KLRG1: variants seen among roughly 807,000 people sequenced by gnomAD.
The protein encoded by KLRG1 is killer cell lectin like receptor G1, also known as killer cell lectin-like receptor subfamily G member 1.
A neutral mutation model predicts 21.8 loss-of-function variants in KLRG1; 16 were observed. The observed-to-expected ratio is 0.73, with a 90% CI of 0.50 to 1.11. The LOEUF (loss-of-function observed/expected upper bound fraction) is 1.11. Ranked by LOEUF, KLRG1 falls within the 50% of genes most tolerant of loss-of-function variation. KLRG1 has a pLI of 0.00. For missense variants in KLRG1, 173 were observed against 218.3 expected, an observed-to-expected ratio of 0.79 and a Z score of 1.31; for synonymous variants, 69 against 75.9, an observed-to-expected ratio of 0.91 and a Z score of 0.47.
At chr12:9,056,495 T>C in the KLRG1 span, among the ~76,000 whole-genome samples, 1 of 152,150 alleles carries the variant, frequency 6.6e-6, no homozygotes, top group African/African-American at 2.4e-5. Flanking sequence ...CTGAAAGACT[T>C]AGCATAATTC....
the KLRG1 span, among the ~76,000 whole-genome samples, chr12:9,019,418 G>A: frequency 6.6e-6 from 1 of 152,296 alleles, no homozygotes; most frequent in South Asian, 2.1e-4. Flanking sequence ...CCACTGCTAA[G>A]TATATACACA....
chr12:9,013,298 C>A (rs1947657090), downstream of KLRG1, among the ~76,000 whole-genome samples: 1 of 152,192 alleles, frequency 6.6e-6, no homozygotes, highest in Non-Finnish European at 1.5e-5. Flanking sequence ...AAACCTAACT[C>A]TTTAATGACC....
the KLRG1 span, among the ~76,000 whole-genome samples, chr12:9,151,848 C>T: frequency 6.6e-6 from 1 of 152,224 alleles, no homozygotes; most frequent in Non-Finnish European, 1.5e-5. Context: ...ATTAGAGCCT[C>T]TGGCATCTTT....
At chr12:9,065,448 C>T in the KLRG1 span, among the ~76,000 whole-genome samples, 4 of 152,110 alleles carry the variant, frequency 2.6e-5, no homozygotes, top group Non-Finnish European at 5.9e-5. Context: ...AAGGTCGGGC[C>T]GAGCCTGGGT....
the KLRG1 span, among the ~76,000 whole-genome samples, chr12:9,141,255 C>G: frequency 6.6e-6 from 1 of 151,980 alleles, no homozygotes; most frequent in Non-Finnish European, 1.5e-5. Flanking sequence ...CAAATATAGC[C>G]CAAAGAAAGC....
chr12:9,107,568 G>A, the KLRG1 span: 10 of 1,613,956 alleles, frequency 6.2e-6, no homozygotes, highest in Non-Finnish European at 8.5e-6. Flanking sequence ...TCTTCACCGT[G>A]GCAGTCGGAA....
Position 9,009,628 on chromosome 12 carries a change from A to G in KLRG1, c.*91A>G, listed in dbSNP as rs748166245. On this transcript the variant is annotated 3_prime_UTR_variant, in exon 5 of 5. Transcript: ENST00000356986. ...TGGCTGTTGGGAAAGCCATGAGTAT[A>G]TAGTTAGCAAATACTGAACTTTCTC... is the stretch of plus-strand genomic sequence containing the variant. 6.4e-5 allele frequency: 98 copies of G among 1,521,900 alleles called. No homozygotes were observed. The highest frequency in any genetic ancestry group is 8.1e-5 in the Non-Finnish European group (92 of 1,139,248). 94.3% of individuals were successfully genotyped at this position (1,521,900 alleles called of 1,614,324 possible).
chr12:9,109,870 A>G, the KLRG1 span: 1 of 1,596,412 alleles, frequency 6.3e-7, no homozygotes, highest in Non-Finnish European at 8.5e-7. Flanking sequence ...TCCATACCAA[A>G]TTCCTCCACG....
At chr12:9,122,610 T>C in the KLRG1 span, among the ~76,000 whole-genome samples, 1 of 152,214 alleles carries the variant, frequency 6.6e-6, no homozygotes, top group African/African-American at 2.4e-5. Context: ...GATTTAGATG[T>C]TCCAATTTTT....
the KLRG1 span, among the ~76,000 whole-genome samples, chr12:9,173,132 G>A: frequency 1.3e-5 from 2 of 152,132 alleles, no homozygotes; most frequent in African/African-American, 4.8e-5. Flanking sequence ...TCTTTCAGAC[G>A]ACAGTGCAAT....
intron 1 of KLRG1, among the ~76,000 whole-genome samples, chr12:8,966,137 A>G (rs79419979): frequency 0.8 from 122,225 of 152,066 alleles, 49,542 homozygotes; most frequent in Non-Finnish European, 0.84. Context: ...CTAGCCATAC[A>G]TAGAAAGCTG....
chr12:9,149,121 T>C, the KLRG1 span: 1 of 797,702 alleles, frequency 1.3e-6, no homozygotes, highest in East Asian at 2.4e-5. Context: ...GTAATTATTT[T>C]AGGTTTATAT....
chr12:9,078,414 C>A, the KLRG1 span, among the ~76,000 whole-genome samples: 18 of 152,194 alleles, frequency 1.2e-4, no homozygotes, highest in Non-Finnish European at 2.4e-4. Context: ...TGTATATGTA[C>A]CACATTTTCT....
At chr12:9,161,429 AATG>A in the KLRG1 span, among the ~76,000 whole-genome samples, 1 of 152,182 alleles carries the variant, frequency 6.6e-6, no homozygotes. Flanking sequence ...AATTTGACTT[AATG>A]ATGAGACTAC....
At chr12:9,160,972 TAGATAAG>T in the KLRG1 span, 5 of 1,289,566 alleles carry the variant, frequency 3.9e-6, no homozygotes, top group African/African-American at 7.4e-5. Context: ...TACAAATACG[TAGATAAG>T]ATGTACAGTG....
the KLRG1 span, chr12:9,203,761 C>G: frequency 6.2e-7 from 1 of 1,613,936 alleles, no homozygotes; most frequent in African/African-American, 1.3e-5. Context: ...GGCACCGTAG[C>G]ACTCACAGTG....
the KLRG1 span, among the ~76,000 whole-genome samples, chr12:9,037,867 C>T: frequency 6.6e-6 from 1 of 152,186 alleles, no homozygotes. Context: ...GTAGGCTCTT[C>T]CATCTAGGTT....
At chr12:9,155,345 C>G in the KLRG1 span, among the ~76,000 whole-genome samples, 5 of 151,992 alleles carry the variant, frequency 3.3e-5, no homozygotes, top group East Asian at 5.8e-4. Flanking sequence ...GTTTTGTAAC[C>G]TCTTCCAGAG....
chr12:9,091,606 T>C, the KLRG1 span, among the ~76,000 whole-genome samples: 180 of 152,350 alleles, frequency 1.2e-3, 1 homozygote, highest in African/African-American at 4.3e-3. Flanking sequence ...CTTCCAACTG[T>C]TTTTAATTGT....
Sources: gnomAD v4.1 joint callset for allele counts (sites outside exome capture counted in the v4.1 genomes callset) on GRCh38, gnomAD v4.1.1 for gene constraint, MANE v1.5 for transcripts, NCBI Gene and HGNC (gene_info 2026-07-23, HGNC 2026-07-21) for gene names.